Variants in FREM2 observed in about 807,000 individuals in gnomAD.
FREM2 encodes FRAS1 related extracellular matrix 2.
A neutral mutation model predicts 219.9 loss-of-function variants in FREM2; 119 were observed. The ratio of observed to expected loss-of-function variants is 0.54; its 90% CI spans 0.47 to 0.63. The LOEUF is 0.63. FREM2 is among the 30% of genes least tolerant of loss of function. The pLI, the probability that FREM2 is intolerant of heterozygous loss-of-function variation, is 0.00. For synonymous variants in FREM2, 1,562 were observed against 1,522.8 expected (o/e 1.03, Z -0.60); for missense variants, 4,030 against 3,993.6 (o/e 1.01, Z -0.25).
In FREM2 at chr13:38,692,442, G is replaced by A. The variant is rs147565403; in HGVS notation, c.5098G>A (p.Val1700Met). Residue 1700 changes from valine to methionine, a missense_variant, in exon 1 of 24, where the codon GTG (valine) becomes ATG (methionine). Physicochemically the swap from Val to Met is conservative, Grantham distance 21. This residue lies in a region of FREM2 where 3,102 missense variants were observed against 2,950.7 expected (regional missense o/e 1.05). Coordinates refer to ENST00000280481, the MANE Select transcript of FREM2 (RefSeq NM_207361.6). Reference protein sequence around the residue: ...DSLHISLRFIVTEAPQHGYLL... With the variant: ...DSLHISLRFIMTEAPQHGYLL... Reference sequence around the variant, plus strand: ...CTTACACATTTCTCTTAGATTTATCGTGACAGAGGCCCCTCAACATGGATA... The same window carrying A: ...CTTACACATTTCTCTTAGATTTATCATGACAGAGGCCCCTCAACATGGATA... 51 of 1,613,838 alleles carry A rather than the reference G, an allele frequency of 3.2e-5. No homozygotes were observed. Among genetic ancestry groups the A allele is most frequent in the African/African-American group, 1.3e-4 (10 of 75,006 alleles).
At chr13:38,753,530 T>A (rs1566129087) in intron 2 of FREM2, among the ~76,000 whole-genome samples, 1 of 152,224 alleles carries the variant, frequency 6.6e-6, no homozygotes, top group Non-Finnish European at 1.5e-5. Flanking sequence ...CACATAATCA[T>A]TTCTTGAGTT....
At chr13:38,758,576 G>A (rs1873108260) in intron 2 of FREM2, among the ~76,000 whole-genome samples, 1 of 152,128 alleles carries the variant, frequency 6.6e-6, no homozygotes, top group East Asian at 1.9e-4. Flanking sequence ...GAGCCAAGTC[G>A]GCTTCAGCTC....
At chr13:38,864,063 A>G (rs990217493) in intron 15 of FREM2, among the ~76,000 whole-genome samples, 5 of 152,076 alleles carry the variant, frequency 3.3e-5, no homozygotes, top group African/African-American at 1.2e-4. Context: ...TCCTGACCTC[A>G]GATGATCCAC....
chr13:38,879,844 C>A (rs1266660952), intron 23 of FREM2, among the ~76,000 whole-genome samples: 1 of 152,210 alleles, frequency 6.6e-6, no homozygotes, highest in Middle Eastern at 3.4e-3. Flanking sequence ...ATTTTTTCCC[C>A]CTATGGTCTT....
At chr13:38,718,888 C>T (rs1355011001) in intron 2 of FREM2, among the ~76,000 whole-genome samples, 1 of 152,174 alleles carries the variant, frequency 6.6e-6, no homozygotes, top group East Asian at 1.9e-4. Flanking sequence ...ATTACAGGAG[C>T]AGTCAGTCGT....
rs141470850 is a variant in FREM2, at chr13:38,689,651, C to T, written c.2307C>T (p.Val769=). ...GTLVLTDNPS[V]VVTHFTQAQI... is the part of the protein sequence containing the mutation. Reference sequence around the variant, plus strand: ...TGGTCTTGACTGACAACCCCTCAGTCGTGGTGACCCATTTTACCCAAGCCC... The same window carrying T: ...TGGTCTTGACTGACAACCCCTCAGTTGTGGTGACCCATTTTACCCAAGCCC... The change falls in exon 1 of 24, where the codon GTC becomes GTT. Residue 769 remains valine, a synonymous_variant. Coordinates refer to ENST00000280481, the MANE Select transcript of FREM2 (RefSeq NM_207361.6). 4.8e-5 allele frequency: 77 copies of T among 1,614,062 alleles called. No individual in the cohort carries two copies. In the South Asian group the frequency reaches 6.3e-4, roughly 13 times the overall value.
At chr13:38,770,159 AT>A (rs1395758003) in intron 4 of FREM2, among the ~76,000 whole-genome samples, 1 of 147,836 alleles carries the variant, frequency 6.8e-6, no homozygotes, top group Non-Finnish European at 1.5e-5. Flanking sequence ...TTATTTACAT[AT>A]TTTATATAAT....
At chr13:38,767,605 G>A (rs1182671225) in intron 3 of FREM2, among the ~76,000 whole-genome samples, 1 of 152,236 alleles carries the variant, frequency 6.6e-6, no homozygotes, top group Non-Finnish European at 1.5e-5. Context: ...TGCCACTGGG[G>A]ATAGATGGGT....
intron 8 of FREM2, among the ~76,000 whole-genome samples, chr13:38,848,947 G>A (rs1350790030): frequency 6.6e-6 from 1 of 152,104 alleles, no homozygotes; most frequent in Non-Finnish European, 1.5e-5. Flanking sequence ...AGATGGCCAT[G>A]TTGTCCCTAA....
intron 6 of FREM2, among the ~76,000 whole-genome samples, chr13:38,811,593 G>A (rs1166984840): frequency 6.6e-6 from 1 of 151,964 alleles, no homozygotes; most frequent in African/African-American, 2.4e-5. Flanking sequence ...TTATTTCCAT[G>A]TGTTTGTATG....
Position 38,711,913 on chromosome 13 carries a change from CTTTTTTT to C in FREM2, c.5263+14145_5263+14151del, listed in dbSNP as rs1224297915. Among the ~76,000 whole-genome samples, 66 of 107,572 alleles carry C rather than the reference CTTTTTTT, an allele frequency of 6.1e-4. No homozygotes were observed. The South Asian group carries it at 6.7e-3, about 11-fold the overall frequency. The allele number at this position is 107,572 out of a possible 152,430, so 70.6% of individuals were successfully genotyped here. A position where few individuals can be genotyped will look rare whatever the true frequency, so the allele number is the denominator to read the frequency against. On this transcript the variant is annotated intron_variant, in intron 2 of 23. Transcript: ENST00000280481. ...TGTGGGTCTCTGGGGCTGATAATTT[CTTTTTTT>C]TTTTTTTTTTTTTTTTTTGAGGGGA...
intron 6 of FREM2, among the ~76,000 whole-genome samples, chr13:38,809,258 T>A (rs1359482089): frequency 1.3e-5 from 2 of 151,942 alleles, no homozygotes; most frequent in African/African-American, 4.8e-5. Context: ...GATATATATC[T>A]ACTTGGGGAG....
intron 6 of FREM2, among the ~76,000 whole-genome samples, chr13:38,816,892 A>G (rs1318220068): frequency 6.6e-6 from 1 of 152,166 alleles, no homozygotes; most frequent in Non-Finnish European, 1.5e-5. Flanking sequence ...CAAAGTAAAC[A>G]TACAAAAATC....
Position 38,689,760 on chromosome 13 carries a change from G to A in FREM2, c.2416G>A (p.Val806Met). The change falls in exon 1 of 24, where the codon GTG (valine) becomes ATG (methionine). Residue 806 changes from valine to methionine, a missense_variant. Val to Met is a conservative substitution (Grantham distance 21, BLOSUM62 1). Around this residue, in one of 2 missense-constraint regions of FREM2, gnomAD observed 3,102 missense variants for 2,950.7 expected, o/e 1.05. Transcript: ENST00000280481. Reference protein sequence around the residue: ...ATRVAQFQFQVEDRAGNVAPG... With the variant: ...ATRVAQFQFQMEDRAGNVAPG... ...TCGAGTGGCCCAGTTCCAGTTCCAGGTGGAAGACCGAGCTGGGAATGTGGC... is the reference window on the plus strand; with the variant it reads ...TCGAGTGGCCCAGTTCCAGTTCCAGATGGAAGACCGAGCTGGGAATGTGGC... 1 of 1,613,420 alleles carries A rather than the reference G, an allele frequency of 6.2e-7. No homozygotes were observed.
rs1180943928 is a variant in FREM2, at chr13:38,691,526, T to A, written c.4182T>A (p.Ile1394=). The A allele has an allele frequency of 6.2e-7, 1 of 1,614,008 alleles. No individual in the cohort carries two copies. The highest frequency in any genetic ancestry group is 8.5e-7 in the Non-Finnish European group (1 of 1,180,014). Residue 1394 remains isoleucine, a synonymous_variant, in exon 1 of 24, where the codon ATT becomes ATA. Transcript: ENST00000280481. ...GGCAAGAGGGCATTCGGGACCTAAT[T>A]AAATTTGATGTGACTGATGGAATAA... The part of the protein sequence containing the change: ...HLGQEGIRDL[I]KFDVTDGINP...
chr13:38,703,626 C>T (rs1018016860), intron 2 of FREM2, among the ~76,000 whole-genome samples: 3 of 152,016 alleles, frequency 2.0e-5, no homozygotes, highest in African/African-American at 7.2e-5. Context: ...TGTGCAAGAA[C>T]GAAGTTAAAC....
At chr13:38,868,979 G>T (rs938077071) in intron 16 of FREM2, among the ~76,000 whole-genome samples, 5 of 152,162 alleles carry the variant, frequency 3.3e-5, no homozygotes, top group African/African-American at 1.2e-4. Flanking sequence ...GCTGACCCAG[G>T]TCTGTTTGTC....
At chr13:38,740,235 G>A (rs1265693173) in intron 2 of FREM2, among the ~76,000 whole-genome samples, 2 of 152,174 alleles carry the variant, frequency 1.3e-5, no homozygotes, top group East Asian at 1.9e-4. Context: ...TACTTAGGCT[G>A]TGGAGAAAAA....
At chr13:38,789,578 T>C (rs1253967689) in intron 6 of FREM2, among the ~76,000 whole-genome samples, 1 of 151,132 alleles carries the variant, frequency 6.6e-6, no homozygotes, top group African/African-American at 2.4e-5. Context: ...GAATAGAAAT[T>C]TTTGGAAATT....
Sources: allele counts gnomAD v4.1 joint callset (sites outside exome capture counted in the v4.1 genomes callset), GRCh38; gene constraint gnomAD v4.1.1; regional missense constraint gnomAD v4.1.1; transcripts MANE v1.5; gene names NCBI Gene and HGNC (gene_info 2026-07-23, HGNC 2026-07-21).